Variants in AHRR observed in about 807,000 individuals in gnomAD.
AHRR encodes the protein ahR repressor.
In AHRR, 28 loss-of-function variants were observed where a neutral mutation model predicts 44.0. The observed-to-expected ratio is 0.64, with a 90% CI of 0.47 to 0.87. AHRR has a LOEUF of 0.87. AHRR is among the 40% of genes least tolerant of loss of function. The probability of loss-of-function intolerance (pLI) is 0.00; values close to 1 mark genes in which losing one functional copy is unlikely to be tolerated. For synonymous variants in AHRR, 434 were observed against 407.0 expected (o/e 1.07, Z -0.80); for missense variants, 990 against 953.9 (o/e 1.04, Z -0.50).
intron 1 of AHRR, among the ~76,000 whole-genome samples, chr5:328,133 T>C (rs1741778323): frequency 6.6e-6 from 1 of 152,146 alleles, no homozygotes; most frequent in Non-Finnish European, 1.5e-5. Context: ...TTGATGGCTG[T>C]GGCAGTTCTA....
rs200631022 is a variant in AHRR, at chr5:434,693, C to T, written c.1953C>T (p.Ala651=). 47 of 1,572,352 alleles carry T rather than the reference C, an allele frequency of 3.0e-5. No homozygotes were observed. Among genetic ancestry groups the T allele is most frequent in the Admixed American group, 1.5e-4 (8 of 54,482 alleles). ...CCTGCACCTGCAGAGCTGCTGAGGC[C>T]GCCCCTGTGGTCAAGCGGGAGCCCT... The part of the protein sequence containing the change: ...EQSCTCRAAE[A]APVVKREPLD... Residue 651 remains alanine, a synonymous_variant, in exon 11 of 11, where the codon GCC becomes GCT. Transcript: ENST00000684583.
At position 340,699 on chromosome 5, in the gene AHRR, T is replaced by A. The variant is rs1401497910; in HGVS notation, c.-10-3194T>A. On this transcript the variant is annotated intron_variant, in intron 1 of 10. Coordinates refer to ENST00000684583, the MANE Select transcript of AHRR (RefSeq NM_001377236.1). ...ATATATATATATATATTTTTTTTTT[T>A]TTTTTTTTTTTTTTGAGTTGGAGTT... is the stretch of plus-strand genomic sequence containing the variant. Among the ~76,000 whole-genome samples the A allele has an allele frequency of 3.0e-3, 232 of 77,256 alleles. 11 individuals carry two copies. Among genetic ancestry groups the A allele is most frequent in the African/African-American group, 4.8e-3 (95 of 19,860 alleles). 50.7% of individuals were successfully genotyped at this position (77,256 alleles called of 152,430 possible).
chr5:423,402 C>A (rs758729432), intron 6 of AHRR, among the ~76,000 whole-genome samples: 2 of 152,142 alleles, frequency 1.3e-5, no homozygotes, highest in Non-Finnish European at 2.9e-5. Context: ...TGTGCTGGGA[C>A]AGTTGCATCT....
rs772512231 is a variant in AHRR, at chr5:422,730, C to T, written c.443C>T (p.Thr148Met). 6.8e-6 allele frequency: 11 copies of T among 1,614,042 alleles called. No homozygotes were observed. Among genetic ancestry groups the T allele is most frequent in the African/African-American group, 5.3e-5 (4 of 74,910 alleles). The part of the protein sequence containing the change: ...TIVDYLGFHQ[T>M]DVMHQNIYDY... ...AATAATCTTGTTGCGCTATTTCAGA[C>T]GGATGTAATGCACCAGAACATTTAT... The change falls in exon 6 of 11, where the codon ACG (threonine) becomes ATG (methionine). Residue 148 changes from threonine (T) to methionine (M), a missense_variant and splice_region_variant. Physicochemically the swap from Thr to Met is moderately conservative, Grantham distance 81 (BLOSUM62 -1). Transcript: ENST00000684583.
At chr5:402,898 G>A (rs576064911) in intron 4 of AHRR, among the ~76,000 whole-genome samples, 2 of 152,312 alleles carry the variant, frequency 1.3e-5, no homozygotes, top group African/African-American at 2.4e-5. Context: ...TGCAAACCAC[G>A]GATGAACCTG....
intron 4 of AHRR, among the ~76,000 whole-genome samples, chr5:392,825 G>A (rs1431729714): frequency 2.0e-5 from 3 of 151,944 alleles, no homozygotes; most frequent in African/African-American, 2.4e-5. Context: ...AGGCCTTACC[G>A]TGGCCGCCCC....
intron 1 of AHRR, 51 bp from the exon 2 acceptor site, chr5:343,842 A>G (rs1286648062): frequency 1.3e-6 from 2 of 1,549,434 alleles, no homozygotes; most frequent in South Asian, 2.3e-5. Context: ...CGCGGCGGGA[A>G]CAGGGCGCAC....
chr5:433,946 G>T lies in AHRR; in HGVS notation c.1206G>T (p.Trp402Cys). ...ETPGPTKPLP[W>C]TAGKHSEDGA... is the part of the protein sequence containing the mutation. Reference sequence around the variant, plus strand: ...CAGGACCCACAAAGCCCCTGCCCTGGACAGCGGGAAAGCACAGTGAGGATG... The same window carrying T: ...CAGGACCCACAAAGCCCCTGCCCTGTACAGCGGGAAAGCACAGTGAGGATG... Residue 402 changes from tryptophan to cysteine, a missense_variant, in exon 11 of 11, where the codon TGG (tryptophan) becomes TGT (cysteine). Trp to Cys is a radical substitution (Grantham distance 215, BLOSUM62 -2). Transcript: ENST00000684583. The T allele has an allele frequency of 6.5e-7, 1 of 1,549,970 alleles. No homozygotes were observed. The highest frequency in any genetic ancestry group is 8.7e-7 in the Non-Finnish European group (1 of 1,147,552).
intron 2 of AHRR, among the ~76,000 whole-genome samples, chr5:353,247 C>T (rs930126849): frequency 6.6e-6 from 1 of 152,194 alleles, no homozygotes; most frequent in Non-Finnish European, 1.5e-5. Context: ...GGGCACGGCC[C>T]GGCTGATGCC....
chr5:433,410 C>T (rs1736831909), intron 10 of AHRR, among the ~76,000 whole-genome samples: 1 of 152,236 alleles, frequency 6.6e-6, no homozygotes, highest in Admixed American at 6.5e-5. Flanking sequence ...CACAGTCATG[C>T]AGTGCCAGTC....
chr5:429,527 C>T (rs557073733), intron 8 of AHRR, among the ~76,000 whole-genome samples: 60 of 152,314 alleles, frequency 3.9e-4, no homozygotes, highest in African/African-American at 1.4e-3. Context: ...CCTTGGCTGT[C>T]GGTGAGGTGC....
At chr5:386,353 T>G (rs1473680860) in intron 4 of AHRR, among the ~76,000 whole-genome samples, 1 of 152,232 alleles carries the variant, frequency 6.6e-6, no homozygotes, top group Non-Finnish European at 1.5e-5. Context: ...ATATGTCACT[T>G]TACGTGGTAA....
chr5:360,491 TGAGGTGTGTGC>T (rs1411237980), intron 3 of AHRR, among the ~76,000 whole-genome samples: 1 of 152,198 alleles, frequency 6.6e-6, no homozygotes, highest in Non-Finnish European at 1.5e-5. Context: ...GGACGAGTTT[TGAGGTGTGTGC>T]TAGAAAGAGC....
At chr5:420,784 G>A (rs997449144) in intron 5 of AHRR, 6 of 98,416 alleles carry the variant, frequency 6.1e-5, no homozygotes, top group Admixed American at 4.5e-4. Context: ...AGACACCTCC[G>A]CGCTGCACGC....
chr5:365,479 A>G (rs539727121), intron 3 of AHRR, among the ~76,000 whole-genome samples: 2 of 152,344 alleles, frequency 1.3e-5, no homozygotes, highest in Non-Finnish European at 2.9e-5. Flanking sequence ...ACACTTAGAA[A>G]TAAATAATCT....
intron 4 of AHRR, among the ~76,000 whole-genome samples, chr5:399,847 T>C (rs1486091974): frequency 6.6e-6 from 1 of 152,230 alleles, no homozygotes; most frequent in Non-Finnish European, 1.5e-5. Context: ...CCAGCTGCAT[T>C]CTCAAGAACT....
At chr5:399,843 G>A (rs1192028533) in intron 4 of AHRR, among the ~76,000 whole-genome samples, 1 of 152,256 alleles carries the variant, frequency 6.6e-6, no homozygotes, top group Non-Finnish European at 1.5e-5. Context: ...CCGGCCAGCT[G>A]CATTCTCAAG....
chr5:382,888 C>T (rs574382333), intron 4 of AHRR, among the ~76,000 whole-genome samples: 1 of 152,230 alleles, frequency 6.6e-6, no homozygotes, highest in East Asian at 1.9e-4. Flanking sequence ...CATTCTTACT[C>T]TGTAATATAA....
chr5:406,606 T>C lies in AHRR; in HGVS notation c.352-6738T>C, dbSNP rs560154656. Among the ~76,000 whole-genome samples the C allele has an allele frequency of 6.6e-6, 1 of 152,346 alleles. No individual in the cohort carries two copies. Among genetic ancestry groups the C allele is most frequent in the Admixed American group, 6.5e-5 (1 of 15,298 alleles). ...AAGAACATAGAAAGGGATAGAAAGC[T>C]GTTTAGTTAATTCACAGAGGTTAGG... On this transcript the variant is annotated intron_variant, in intron 4 of 10. Transcript: ENST00000684583. The surrounding 1 kb of genome is among the most constrained non-coding windows in gnomAD (Gnocchi z 4.7).
Sources: allele counts gnomAD v4.1 joint callset (sites outside exome capture counted in the v4.1 genomes callset), GRCh38; gene constraint gnomAD v4.1.1; non-coding constraint Gnocchi (gnomAD v3.1); transcripts MANE v1.5; gene names NCBI Gene and HGNC (gene_info 2026-07-23, HGNC 2026-07-21).